The following ULK4 variants were observed in gnomAD, a reference collection of about 807,000 sequenced individuals.
ULK4 encodes the protein unc-51 like kinase 4.
In ULK4, 133 loss-of-function variants were observed where a neutral mutation model predicts 160.6. The observed-to-expected ratio is 0.83, with a 90% confidence interval of 0.72 to 0.96. The LOEUF (loss-of-function observed/expected upper bound fraction) is 0.96, where lower values mean the gene tolerates loss of function less well. ULK4 is among the 40% of genes least tolerant of loss of function. The pLI is 0.00. For synonymous variants in ULK4, 534 were observed against 539.8 expected, an observed-to-expected ratio of 0.99 and a Z score of 0.15; for missense variants, 1,580 against 1,499.5, an observed-to-expected ratio of 1.05 and a Z score of -0.89.
intron 34 of ULK4, among the ~76,000 whole-genome samples, chr3:41,430,482 G>C (rs1268567735): frequency 2.0e-5 from 3 of 152,166 alleles, no homozygotes; most frequent in African/African-American, 7.2e-5. Flanking sequence ...AGGCGCCACA[G>C]GAGACTCAAT....
chr3:41,474,185 G>C (rs1220363737), intron 32 of ULK4, among the ~76,000 whole-genome samples: 1 of 152,138 alleles, frequency 6.6e-6, no homozygotes, highest in Non-Finnish European at 1.5e-5. Context: ...GAAAAGAATA[G>C]AGAGCCCAGA....
intron 32 of ULK4, among the ~76,000 whole-genome samples, chr3:41,560,003 C>A (rs1483148255): frequency 6.6e-6 from 1 of 152,108 alleles, no homozygotes; most frequent in African/African-American, 2.4e-5. Context: ...GGTTTTAAGT[C>A]TAACATTTAA....
At chr3:41,615,838 T>C (rs1575486128) in intron 30 of ULK4, 121 bp from the exon 31 acceptor site, 1 of 886,642 alleles carries the variant, frequency 1.1e-6, no homozygotes, top group East Asian at 2.7e-5. Context: ...TAAGAAATAG[T>C]ATGATTAAAC....
intron 17 of ULK4, among the ~76,000 whole-genome samples, chr3:41,849,116 G>C (rs949705265): frequency 6.6e-6 from 1 of 152,154 alleles, no homozygotes; most frequent in Non-Finnish European, 1.5e-5. Flanking sequence ...AGCCACCTAG[G>C]CCTGCAGCAA....
Position 41,727,614 on chromosome 3 carries a change from G to A in ULK4, c.2322-9753C>T, listed in dbSNP as rs116075393. Among the ~76,000 whole-genome samples the A allele has an allele frequency of 6.2e-3, 949 of 152,292 alleles. 13 individuals are homozygous for A. Among genetic ancestry groups the A allele is most frequent in the African/African-American group, 0.021 (887 of 41,548 alleles). ...CTTGCTGTGTACTTGTGTAGCTACA[G>A]CACAGTGTAAGAAAAGATCAGAGAG... On this transcript the variant is annotated intron_variant, in intron 22 of 36. Transcript: ENST00000301831.
At chr3:41,629,177 A>G (rs1377002792) in intron 30 of ULK4, among the ~76,000 whole-genome samples, 1 of 152,188 alleles carries the variant, frequency 6.6e-6, no homozygotes, top group East Asian at 1.9e-4. Context: ...GGCAGGACAC[A>G]GTGGGGATGA....
intron 20 of ULK4, among the ~76,000 whole-genome samples, chr3:41,793,533 T>C (rs569855794): frequency 6.6e-6 from 1 of 152,290 alleles, no homozygotes; most frequent in East Asian, 1.9e-4. Flanking sequence ...TCTTAAGATA[T>C]ATCAGAATAG....
intron 31 of ULK4, among the ~76,000 whole-genome samples, chr3:41,570,517 A>T (rs368314299): frequency 2.6e-5 from 4 of 152,128 alleles, no homozygotes; most frequent in African/African-American, 9.7e-5. Context: ...TAAATCTTTT[A>T]TTTTGGTCCC....
chr3:41,794,575 C>T (rs1311277930), intron 20 of ULK4, among the ~76,000 whole-genome samples: 1 of 143,152 alleles, frequency 7.0e-6, no homozygotes, highest in Non-Finnish European at 1.5e-5. Context: ...GCAGGAGAAT[C>T]GCTTGAACCC....
chr3:41,787,272 C>A lies in ULK4; in HGVS notation c.2193+2389G>T, dbSNP rs568712309. Among the ~76,000 whole-genome samples the A allele has an allele frequency of 6.6e-5, 10 of 152,268 alleles. No individual in the cohort carries two copies. The South Asian group carries it at 2.1e-3, about 32-fold the overall frequency. ...CAACCCAACGACAGAAAGTCCTCCA[C>A]CATGCTGTACAATGTTTCCCCAGTG... On this transcript the variant is annotated intron_variant, in intron 21 of 36. Transcript: ENST00000301831.
intron 35 of ULK4, chr3:41,250,935 C>T (rs1368496622): frequency 2.0e-5 from 3 of 152,242 alleles, no homozygotes; most frequent in African/African-American, 7.2e-5. Context: ...TGAAGGTACA[C>T]TCCCCATCAG....
intron 31 of ULK4, among the ~76,000 whole-genome samples, chr3:41,594,464 G>C (rs1196894624): frequency 6.6e-6 from 1 of 152,068 alleles, no homozygotes; most frequent in Admixed American, 6.6e-5. Flanking sequence ...CTCAAGCCCA[G>C]GAGTTCAAGG....
chr3:41,446,940 C>T (rs1379186146), intron 34 of ULK4, among the ~76,000 whole-genome samples: 4 of 151,054 alleles, frequency 2.6e-5, no homozygotes, highest in African/African-American at 7.3e-5. Flanking sequence ...AAAAATTAGC[C>T]GGGCATGGTG....
chr3:41,849,920 G>A (rs964107803), intron 17 of ULK4, among the ~76,000 whole-genome samples: 5 of 151,944 alleles, frequency 3.3e-5, no homozygotes, highest in African/African-American at 9.7e-5. Flanking sequence ...CCATTAACTC[G>A]TCATTTACAT....
intron 32 of ULK4, among the ~76,000 whole-genome samples, chr3:41,522,209 C>T (rs1256391): frequency 2.6e-3 from 401 of 151,514 alleles, no homozygotes; most frequent in Middle Eastern, 0.01. Context: ...TCACTGCAGC[C>T]CCTGCCTTCT....
chr3:41,831,413 T>C (rs2041578807), intron 18 of ULK4, among the ~76,000 whole-genome samples: 2 of 134,654 alleles, frequency 1.5e-5, no homozygotes, highest in Admixed American at 1.5e-4. Context: ...CTCCATATAC[T>C]AGTCGTTTTT....
intron 1 of ULK4, among the ~76,000 whole-genome samples, chr3:41,959,065 T>TAA (rs200910666): frequency 6.6e-6 from 1 of 151,736 alleles, no homozygotes; most frequent in South Asian, 2.1e-4. Flanking sequence ...CCATCTCTAC[T>TAA]AAAAATACAA....
At chr3:41,664,395 T>C (rs756448607) in intron 29 of ULK4, among the ~76,000 whole-genome samples, 2 of 152,212 alleles carry the variant, frequency 1.3e-5, no homozygotes, top group African/African-American at 2.4e-5. Flanking sequence ...GGTTTCCTTA[T>C]GTCCTCTGTC....
At chr3:41,339,078 G>A (rs1260225171) in intron 35 of ULK4, among the ~76,000 whole-genome samples, 1 of 151,822 alleles carries the variant, frequency 6.6e-6, no homozygotes, top group Non-Finnish European at 1.5e-5. Context: ...AGCTATCTGG[G>A]CATCTCCCAA....
Sources: allele counts gnomAD v4.1 joint callset (sites outside exome capture counted in the v4.1 genomes callset), GRCh38; gene constraint gnomAD v4.1.1; transcripts MANE v1.5; gene names NCBI Gene and HGNC (gene_info 2026-07-23, HGNC 2026-07-21).